The following CHRM2 variants were observed in gnomAD, a reference collection of about 807,000 sequenced individuals.
CHRM2 encodes muscarinic acetylcholine receptor M2.
CHRM2 carries 8 observed loss-of-function variants against 25.0 expected under a neutral mutation model. That is an observed-to-expected ratio of 0.32 (90% confidence interval 0.19 to 0.58). The LOEUF is 0.58. Ranked by LOEUF, CHRM2 falls within the 20% of genes least tolerant of loss-of-function variation. The pLI, the probability that CHRM2 is intolerant of heterozygous loss-of-function variation, is 0.88. For synonymous variants in CHRM2, 202 were observed against 205.7 expected (o/e 0.98, Z 0.15); for missense variants, 440 against 567.1 (o/e 0.78, Z 2.28).
chr7:136,972,060 T>C (rs1801811694), intron 2 of CHRM2, among the ~76,000 whole-genome samples: 1 of 152,174 alleles, frequency 6.6e-6, no homozygotes, highest in Admixed American at 6.5e-5. Flanking sequence ...TGATCTGATA[T>C]TTGGACATTA....
chr7:136,971,150 A>G (rs1411452624), intron 2 of CHRM2, among the ~76,000 whole-genome samples: 1 of 152,204 alleles, frequency 6.6e-6, no homozygotes, highest in African/African-American at 2.4e-5. Flanking sequence ...CAGAATTCAG[A>G]TCTCAGAGAT....
Position 136,868,744 on chromosome 7 carries a change from G to C in CHRM2, c.-531G>C, listed in dbSNP as rs1379644627. ...GCGCAAAGACCTAGGGAGCGCGCGC[G>C]GGCACACACACACACACACACACAC... On this transcript the variant is annotated 5_prime_UTR_variant, in exon 1 of 4. Coordinates refer to ENST00000680005, the MANE Select transcript of CHRM2 (RefSeq NM_001006630.2). The C allele has an allele frequency of 8.7e-6, 1 of 115,550 alleles. No individual in the cohort carries two copies. The highest frequency in any genetic ancestry group is 9.6e-5 in the Admixed American group (1 of 10,452). The allele number at this position is 115,550 out of a possible 1,614,324, so 7.2% of individuals were successfully genotyped here.
chr7:136,912,884 A>G (rs1362031004), intron 2 of CHRM2, among the ~76,000 whole-genome samples: 1 of 152,102 alleles, frequency 6.6e-6, no homozygotes, highest in Non-Finnish European at 1.5e-5. Context: ...AATGATACAC[A>G]TCTCATAGGG....
chr7:137,016,373 A>G lies in CHRM2; in HGVS notation c.*107A>G. On this transcript the variant is annotated 3_prime_UTR_variant, in exon 4 of 4. Coordinates refer to ENST00000680005, the MANE Select transcript of CHRM2 (RefSeq NM_001006630.2). ...CTCTGCCATTGCACTTTATAGTCTG[A>G]TTACAAAACGTGCAATTCAGGAGCC... 8.2e-7 allele frequency: 1 copy of G among 1,215,146 alleles called. No individual in the cohort carries two copies. Among genetic ancestry groups the G allele is most frequent in the South Asian group, 1.3e-5 (1 of 77,468 alleles). 75.3% of individuals were successfully genotyped at this position (1,215,146 alleles called of 1,614,324 possible).
chr7:136,876,072 A>C (rs1796041026), intron 2 of CHRM2, among the ~76,000 whole-genome samples: 1 of 152,172 alleles, frequency 6.6e-6, no homozygotes, highest in Non-Finnish European at 1.5e-5. Context: ...AATCTCTCAC[A>C]GCCATGTGCA....
At chr7:136,926,007 T>C (rs1038880916) in intron 2 of CHRM2, among the ~76,000 whole-genome samples, 5 of 152,058 alleles carry the variant, frequency 3.3e-5, no homozygotes, top group Non-Finnish European at 1.5e-5. Flanking sequence ...GAGGCCGAGG[T>C]GGGCAGATTG....
At chr7:136,880,033 A>G (rs1468237321) in intron 2 of CHRM2, among the ~76,000 whole-genome samples, 1 of 145,826 alleles carries the variant, frequency 6.9e-6, no homozygotes, top group Non-Finnish European at 1.5e-5. Context: ...CCCGTGGTCC[A>G]TTCCTCTTGG....
chr7:136,975,294 CATTTTCCTCCCCT>C (rs947884080), intron 2 of CHRM2, among the ~76,000 whole-genome samples: 82 of 152,122 alleles, frequency 5.4e-4, no homozygotes, highest in Non-Finnish European at 7.4e-4. Context: ...ACAGGGAAGA[CATTTTCCTCCCCT>C]TATGAACTCT....
At chr7:136,991,734 G>A (rs1803246013) in intron 2 of CHRM2, among the ~76,000 whole-genome samples, 1 of 152,084 alleles carries the variant, frequency 6.6e-6, no homozygotes. Flanking sequence ...TGCCACGTCT[G>A]TCTGATAAAA....
chr7:136,948,044 G>C (rs372336729), intron 2 of CHRM2, among the ~76,000 whole-genome samples: 3 of 152,130 alleles, frequency 2.0e-5, no homozygotes, highest in East Asian at 3.9e-4. Context: ...AGTCCTCATG[G>C]CTGGGGGATT....
rs1803695653 is a variant in CHRM2 at position 136,997,671 on chromosome 7, G to C, written c.-47+5407G>C. Reference sequence around the variant, plus strand: ...ACAAAACATAATACTGTACAAGAAAGAATTTATTCTTGTCTGATCTTTGGA... The same window carrying C: ...ACAAAACATAATACTGTACAAGAAACAATTTATTCTTGTCTGATCTTTGGA... On this transcript the variant is annotated intron_variant, in intron 3 of 3. Transcript: ENST00000680005. 2.0e-5 allele frequency among the ~76,000 whole-genome samples: 3 copies of C among 152,126 alleles called. No individual in the cohort carries two copies. The South Asian group carries it at 6.2e-4, about 32-fold the overall frequency.
chr7:136,929,806 C>A (rs771185613), intron 2 of CHRM2, among the ~76,000 whole-genome samples: 13 of 151,956 alleles, frequency 8.6e-5, no homozygotes, highest in Non-Finnish European at 1.8e-4. Flanking sequence ...GCCTATTTAT[C>A]CAAGAGGAAT....
At chr7:136,878,560 G>A (rs940183878) in intron 2 of CHRM2, among the ~76,000 whole-genome samples, 15 of 151,896 alleles carry the variant, frequency 9.9e-5, no homozygotes, top group Middle Eastern at 3.4e-3. Context: ...AGAATTTGGG[G>A]TGAGATACTC....
chr7:136,874,519 GTC>G (rs1441165570), intron 2 of CHRM2, among the ~76,000 whole-genome samples: 3 of 135,334 alleles, frequency 2.2e-5, no homozygotes, highest in South Asian at 2.3e-4. Flanking sequence ...AATTCCTTCT[GTC>G]TCTCTTTTTT....
chr7:137,015,073 C>T lies in CHRM2; in HGVS notation c.208C>T (p.Leu70Phe). 1.2e-6 allele frequency: 2 copies of T among 1,613,386 alleles called. No individual in the cohort carries two copies. Among genetic ancestry groups the T allele is most frequent in the Non-Finnish European group, 1.7e-6 (2 of 1,179,618 alleles). Reference sequence around the variant, plus strand: ...TTTATTCAGCTTGGCCTGTGCTGACCTTATCATAGGTGTTTTCTCCATGAA... The same window carrying T: ...TTTATTCAGCTTGGCCTGTGCTGACTTTATCATAGGTGTTTTCTCCATGAA... ...YFLFSLACAD[L>F]IIGVFSMNLY... is the part of the protein sequence containing the mutation. Residue 70 changes from leucine to phenylalanine, a missense_variant, in exon 4 of 4, where the codon CTT (leucine) becomes TTT (phenylalanine). By Grantham distance (22) the Leu-to-Phe change is conservative. Transcript: ENST00000680005. The surrounding 1 kb of genome is among the most constrained non-coding windows in gnomAD (Gnocchi z 5.1).
chr7:136,892,890 G>A lies in CHRM2; in HGVS notation c.-125+23472G>A, dbSNP rs183515031. Reference sequence around the variant, plus strand: ...TCACCATGTTGGCCAAGCTGGTCTCGAACTCCTGACCTCAGGTCTCCCAAA... The same window carrying A: ...TCACCATGTTGGCCAAGCTGGTCTCAAACTCCTGACCTCAGGTCTCCCAAA... On this transcript the variant is annotated intron_variant, in intron 2 of 3. Coordinates refer to ENST00000680005, the MANE Select transcript of CHRM2 (RefSeq NM_001006630.2). Among the ~76,000 whole-genome samples the A allele has an allele frequency of 3.9e-5, 6 of 151,998 alleles. No homozygotes were observed. The East Asian group carries it at 5.8e-4, about 15-fold the overall frequency.
At chr7:136,932,961 C>T (rs1485608741) in intron 2 of CHRM2, among the ~76,000 whole-genome samples, 2 of 152,096 alleles carry the variant, frequency 1.3e-5, no homozygotes, top group Non-Finnish European at 2.9e-5. Context: ...ACCTGGGAGG[C>T]AGAGGTTGCA....
intron 2 of CHRM2, among the ~76,000 whole-genome samples, chr7:136,957,247 T>C (rs1800779491): frequency 8.8e-6 from 1 of 113,568 alleles, no homozygotes. Context: ...ACAGGTGTCA[T>C]AGTGTATATG....
intron 2 of CHRM2, chr7:136,871,797 G>C (rs974213804): frequency 8.5e-5 from 13 of 152,180 alleles, no homozygotes; most frequent in Admixed American, 2.6e-4. Context: ...GTGGACTTTT[G>C]AGACTTGTCA....
Sources: gnomAD v4.1 joint callset for allele counts (sites outside exome capture counted in the v4.1 genomes callset) on GRCh38, gnomAD v4.1.1 for gene constraint, Gnocchi (gnomAD v3.1) non-coding constraint, MANE v1.5 for transcripts, NCBI Gene and HGNC (gene_info 2026-07-23, HGNC 2026-07-21) for gene names.